Variants in TNKS observed in about 807,000 individuals in gnomAD.
TNKS encodes the protein poly [ADP-ribose] polymerase tankyrase-1.
TNKS carries 72 observed loss-of-function variants against 135.8 expected under a neutral mutation model. The observed-to-expected ratio is 0.53, with a 90% CI of 0.44 to 0.64. TNKS has a LOEUF of 0.64. Among genes scored for constraint, TNKS ranks in the 30% least tolerant of loss-of-function variants. TNKS has a pLI of 0.00. For missense variants in TNKS, 1,769 were observed against 1,674.0 expected (o/e 1.06, Z -0.99); for synonymous variants, 849 against 649.3 (o/e 1.31, Z -4.68).
intron 15 of TNKS, 33 bp downstream of exon 15, chr8:9,733,477 A>G: frequency 6.4e-7 from 1 of 1,550,984 alleles, no homozygotes; most frequent in East Asian, 2.4e-5. Context: ...AAATATAACT[A>G]ATTTTATTTA....
At chr8:9,721,489 T>C (rs968555616) in intron 12 of TNKS, among the ~76,000 whole-genome samples, 4 of 151,686 alleles carry the variant, frequency 2.6e-5, no homozygotes, top group Non-Finnish European at 5.9e-5. Flanking sequence ...AATTAACCTC[T>C]TTCCTAACCT....
At chr8:9,726,220 A>G (rs944383637) in intron 12 of TNKS, among the ~76,000 whole-genome samples, 1 of 152,076 alleles carries the variant, frequency 6.6e-6, no homozygotes, top group Non-Finnish European at 1.5e-5. Flanking sequence ...GTGAAAACCC[A>G]TCTCCACAAA....
intron 26 of TNKS, among the ~76,000 whole-genome samples, chr8:9,771,801 T>A (rs867759375): frequency 1.2e-4 from 1 of 8,172 alleles, no homozygotes; most frequent in African/African-American, 7.0e-4. Context: ...AGAAGGGAAG[T>A]GGGGGAGGAA....
At chr8:9,714,991 G>T (rs1804534359) in intron 11 of TNKS, among the ~76,000 whole-genome samples, 1 of 152,170 alleles carries the variant, frequency 6.6e-6, no homozygotes, top group Non-Finnish European at 1.5e-5. Context: ...ATGGAAAGAA[G>T]GGAGTTAAGG....
chr8:9,720,531 A>G lies in TNKS; in HGVS notation c.1907A>G (p.Gln636Arg). The G allele has an allele frequency of 1.2e-6, 2 of 1,612,380 alleles. No individual in the cohort carries two copies. The highest frequency in any genetic ancestry group is 1.7e-6 in the Non-Finnish European group (2 of 1,179,394). ...GCACAGATGGGCAATGAAGCAGTGC[A>G]GCAGATTCTGAGTGGTGAGTTAAAA... Reference protein sequence around the residue: ...TAAQMGNEAVQQILSESTPIR... With the variant: ...TAAQMGNEAVRQILSESTPIR... Residue 636 changes from glutamine (Q) to arginine (R), a missense_variant, in exon 12 of 27, where the codon CAG (glutamine) becomes CGG (arginine). By Grantham distance (43) the Gln-to-Arg change is conservative. This residue lies in a region of TNKS where 523 missense variants were observed against 541.0 expected (regional missense o/e 0.97). Transcript: ENST00000310430.
At chr8:9,587,217 GC>G (rs1212332323) in intron 2 of TNKS, among the ~76,000 whole-genome samples, 1 of 151,990 alleles carries the variant, frequency 6.6e-6, no homozygotes, top group Non-Finnish European at 1.5e-5. Context: ...GAAGAGGGAG[GC>G]AGAGAGAAAG....
At chr8:9,583,814 T>C (rs1203915674) in intron 2 of TNKS, among the ~76,000 whole-genome samples, 1 of 151,844 alleles carries the variant, frequency 6.6e-6, no homozygotes, top group Non-Finnish European at 1.5e-5. Flanking sequence ...CTGTTAGTGC[T>C]TGAGAATTTC....
At chr8:9,597,365 A>G (rs1798828051) in intron 2 of TNKS, among the ~76,000 whole-genome samples, 1 of 152,230 alleles carries the variant, frequency 6.6e-6, no homozygotes, top group Non-Finnish European at 1.5e-5. Context: ...TCTGACACAA[A>G]GCGGACACTC....
chr8:9,647,124 G>A (rs931795003), intron 3 of TNKS, among the ~76,000 whole-genome samples: 1 of 152,066 alleles, frequency 6.6e-6, no homozygotes, highest in African/African-American at 2.4e-5. Context: ...CTTTGTTAAA[G>A]GTATAACTTT....
At chr8:9,607,745 C>T (rs1799286186) in intron 2 of TNKS, among the ~76,000 whole-genome samples, 1 of 152,028 alleles carries the variant, frequency 6.6e-6, no homozygotes, top group African/African-American at 2.4e-5. Flanking sequence ...TTTGGGAGCC[C>T]TTTATAAGTA....
intron 11 of TNKS, among the ~76,000 whole-genome samples, chr8:9,712,075 G>C (rs566171153): frequency 3.9e-5 from 6 of 152,296 alleles, no homozygotes; most frequent in African/African-American, 1.2e-4. Flanking sequence ...TTAAAATTAG[G>C]CATTCTGATT....
chr8:9,568,470 A>G (rs1463674502), intron 1 of TNKS, among the ~76,000 whole-genome samples: 1 of 152,154 alleles, frequency 6.6e-6, no homozygotes, highest in Non-Finnish European at 1.5e-5. Flanking sequence ...ATGGAGACTT[A>G]CCGTATGAAA....
intron 5 of TNKS, among the ~76,000 whole-genome samples, chr8:9,697,508 C>T (rs1164259869): frequency 6.6e-6 from 1 of 152,068 alleles, no homozygotes; most frequent in Non-Finnish European, 1.5e-5. Context: ...AGTAAATAGA[C>T]AATCTACAGA....
At chr8:9,682,906 C>T (rs1442859932) in intron 5 of TNKS, among the ~76,000 whole-genome samples, 2 of 151,738 alleles carry the variant, frequency 1.3e-5, no homozygotes, top group Non-Finnish European at 2.9e-5. Context: ...GTACCTCAAG[C>T]ATTATTATTG....
intron 3 of TNKS, among the ~76,000 whole-genome samples, chr8:9,664,558 A>G (rs1030677808): frequency 1.3e-5 from 2 of 152,160 alleles, no homozygotes; most frequent in African/African-American, 4.8e-5. Context: ...TATCTGAGAC[A>G]CTCATCTGAA....
At chr8:9,638,167 G>T (rs1800583355) in intron 3 of TNKS, among the ~76,000 whole-genome samples, 1 of 152,152 alleles carries the variant, frequency 6.6e-6, no homozygotes, top group African/African-American at 2.4e-5. Context: ...TAGAGCTAGG[G>T]TCTTGCTATG....
In TNKS at chr8:9,758,703, G is replaced by T. The variant is rs146917986; in HGVS notation, c.3154-2813G>T. On this transcript the variant is annotated intron_variant, in intron 20 of 26. Coordinates refer to ENST00000310430, the MANE Select transcript of TNKS (RefSeq NM_003747.3). ...GGCAAGGGCTGGGACCCGCTTTCAA[G>T]CTCTCTCACAGTGTTGGTTGACTGG... Among the ~76,000 whole-genome samples, 3 of 152,316 alleles carry T rather than the reference G, an allele frequency of 2.0e-5. No individual in the cohort carries two copies. In the East Asian group the frequency reaches 5.8e-4, roughly 29 times the overall value.
chr8:9,556,909 C>T (rs1472784381), intron 1 of TNKS: 1 of 528,920 alleles, frequency 1.9e-6, no homozygotes, highest in Non-Finnish European at 3.3e-6. Flanking sequence ...TTTTGGTGTG[C>T]AGGAATACAG....
intron 12 of TNKS, among the ~76,000 whole-genome samples, chr8:9,726,160 G>A (rs1805149876): frequency 6.6e-6 from 1 of 152,190 alleles, no homozygotes; most frequent in African/African-American, 2.4e-5. Context: ...GGAGGCTGAA[G>A]CAGGAGGATC....
Sources: gnomAD v4.1 joint callset for allele counts (sites outside exome capture counted in the v4.1 genomes callset) on GRCh38, gnomAD v4.1.1 for gene constraint, gnomAD v4.1.1 regional missense constraint, MANE v1.5 for transcripts, NCBI Gene and HGNC (gene_info 2026-07-23, HGNC 2026-07-21) for gene names.